The following TMEM150A variants were observed in gnomAD, a reference collection of about 807,000 sequenced individuals.
TMEM150A encodes the protein fasting-inducible integral membrane protein TM6P1.
A neutral mutation model predicts 29.8 loss-of-function variants in TMEM150A; 18 were observed. The observed-to-expected ratio is 0.60, with a 90% CI of 0.42 to 0.90. The LOEUF (loss-of-function observed/expected upper bound fraction) is 0.90, where lower values mean the gene tolerates loss of function less well. Among genes scored for constraint, TMEM150A ranks in the 40% least tolerant of loss-of-function variants. The probability of loss-of-function intolerance (pLI) is 0.00; values close to 1 mark genes in which losing one functional copy is unlikely to be tolerated. For synonymous variants in TMEM150A, 127 were observed against 143.6 expected, an observed-to-expected ratio of 0.88 and a Z score of 0.83; for missense variants, 251 against 349.7, an observed-to-expected ratio of 0.72 and a Z score of 2.25.
Position 85,601,983 on chromosome 2 carries a change from G to C in TMEM150A, c.-35C>G. 6.2e-7 allele frequency: 1 copy of C among 1,610,422 alleles called. No homozygotes were observed. Among genetic ancestry groups the C allele is most frequent in the Non-Finnish European group, 8.5e-7 (1 of 1,176,846 alleles). Reference sequence around the variant, plus strand: ...GAGCCAGGGTGGTGGTGGTGTTGGGGGGAGGACAAGAGGTAGATGGGGAAG... The same window carrying C: ...GAGCCAGGGTGGTGGTGGTGTTGGGCGGAGGACAAGAGGTAGATGGGGAAG... On this transcript the variant is annotated 5_prime_UTR_variant, in exon 2 of 8. Coordinates refer to ENST00000334462, the MANE Select transcript of TMEM150A (RefSeq NM_001031738.3). The surrounding 1 kb of genome is among the most constrained non-coding windows in gnomAD (Gnocchi z 4.0).
At position 85,601,983 on chromosome 2, in the gene TMEM150A, GGGAGGA is replaced by G; in HGVS notation, c.-41_-36del. ...GAGCCAGGGTGGTGGTGGTGTTGGGGGGAGGACAAGAGGTAGATGGGGAAGTGGGGG... is the reference window on the plus strand; with the variant it reads ...GAGCCAGGGTGGTGGTGGTGTTGGGGCAAGAGGTAGATGGGGAAGTGGGGG... On this transcript the variant is annotated 5_prime_UTR_variant, in exon 2 of 8. Transcript: ENST00000334462. The surrounding 1 kb of genome is among the most constrained non-coding windows in gnomAD (Gnocchi z 4.0). 6.2e-7 allele frequency: 1 copy of G among 1,610,422 alleles called. No homozygotes were observed. The highest frequency in any genetic ancestry group is 1.1e-5 in the South Asian group (1 of 90,972).
Position 85,600,358 on chromosome 2 carries a change from C to T in TMEM150A, c.255G>A (p.Met85Ile). 6.2e-7 allele frequency: 1 copy of T among 1,614,044 alleles called. No individual in the cohort carries two copies. Among genetic ancestry groups the T allele is most frequent in the Non-Finnish European group, 8.5e-7 (1 of 1,180,000 alleles). ...ESCLFSLIGNMGAFMVALICL... is the reference protein window; with the variant it reads ...ESCLFSLIGNIGAFMVALICL... ...GGTACAACTCACCCATGAAAGCACC[C>T]ATGTTGCCAATGAGGCTGAAGAGGC... Residue 85 changes from methionine to isoleucine, a missense_variant, in exon 5 of 8, where the codon ATG (methionine) becomes ATA (isoleucine). Physicochemically the swap from Met to Ile is conservative, Grantham distance 10. Coordinates refer to ENST00000334462, the MANE Select transcript of TMEM150A (RefSeq NM_001031738.3).
At position 85,601,581 on chromosome 2, in the gene TMEM150A, C is replaced by A; in HGVS notation, c.66-99G>T. The A allele has an allele frequency of 7.1e-7, 1 of 1,404,384 alleles. No homozygotes were observed. The highest frequency in any genetic ancestry group is 9.8e-7 in the Non-Finnish European group (1 of 1,021,062). 87.0% of individuals were successfully genotyped at this position (1,404,384 alleles called of 1,614,324 possible). On this transcript the variant is annotated intron_variant, in intron 2 of 7. Transcript: ENST00000334462. The surrounding 1 kb of genome is among the most constrained non-coding windows in gnomAD (Gnocchi z 4.0). Reference sequence around the variant, plus strand: ...ACCTTGATTTCTGGCCCCATTCAGCCTCATTATTGTTGCTGGGGACTCAAG... The same window carrying A: ...ACCTTGATTTCTGGCCCCATTCAGCATCATTATTGTTGCTGGGGACTCAAG...
rs758891910 is a variant in TMEM150A at position 85,601,020 on chromosome 2, C to A, written c.200+1G>T. The A allele has an allele frequency of 6.2e-7, 1 of 1,612,456 alleles. No homozygotes were observed. Among genetic ancestry groups the A allele is most frequent in the Non-Finnish European group, 8.5e-7 (1 of 1,179,414 alleles). ...TGACCGGCCCAATGTCCAGGCCTTA[C>A]CTGATGAGGGGGACATCGTCCAGGG... On this transcript the variant is annotated splice_donor_variant, in intron 4 of 7. Coordinates refer to ENST00000334462, the MANE Select transcript of TMEM150A (RefSeq NM_001031738.3). LOFTEE classifies it high-confidence loss of function. This position sits in a 1 kb window ranked among gnomAD's most constrained non-coding sequence, Gnocchi z 4.0.
Position 85,602,105 on chromosome 2 carries a change from C to CGGGAAGGGGGAG in TMEM150A, c.-116-53_-116-42dup. 1 of 642,436 alleles carries CGGGAAGGGGGAG rather than the reference C, an allele frequency of 1.6e-6. No individual in the cohort carries two copies. The highest frequency in any genetic ancestry group is 2.8e-6 in the Non-Finnish European group (1 of 353,002). 39.8% of individuals were successfully genotyped at this position (642,436 alleles called of 1,614,324 possible). A position where few individuals can be genotyped will look rare whatever the true frequency, so the allele number is the denominator to read the frequency against. ...CAAAGTCCAGGAGTGGGTAACTGGC[C>CGGGAAGGGGGAG]GGGAAGGGGGAGGGGAAGGGGGTCA... On this transcript the variant is annotated intron_variant, in intron 1 of 7. Transcript: ENST00000334462. This position sits in a 1 kb window ranked among gnomAD's most constrained non-coding sequence, Gnocchi z 5.6.
chr2:85,599,906 C>A lies in TMEM150A; in HGVS notation c.381G>T (p.Val127=). The A allele has an allele frequency of 6.2e-7, 1 of 1,613,424 alleles. No homozygotes were observed. Among genetic ancestry groups the A allele is most frequent in the Non-Finnish European group, 8.5e-7 (1 of 1,180,032 alleles). The change falls in exon 6 of 8, where the codon GTG becomes GTT. Residue 127 remains valine, a synonymous_variant. Coordinates refer to ENST00000334462, the MANE Select transcript of TMEM150A (RefSeq NM_001031738.3). The surrounding 1 kb of genome is among the most constrained non-coding windows in gnomAD (Gnocchi z 6.0). ...GGGGAAGCACCTGAAAGTTGCCAAC[C>A]ACCAAGAGGCCCGCAGCGTTGGTGC... ...TGCTNAAGLL[V]VGNFQVDHAR...
At chr2:85,600,592 G>C (rs1672878946) in intron 4 of TMEM150A, 180 bp from the exon 5 acceptor site, 1 of 615,054 alleles carries the variant, frequency 1.6e-6, no homozygotes, top group South Asian at 1.9e-5. Context: ...CCCCAAAGCA[G>C]AGCTCATGTG....
Position 85,599,590 on chromosome 2 carries a change from A to C in TMEM150A, c.509T>G (p.Leu170Arg). The C allele has an allele frequency of 6.2e-7, 1 of 1,613,896 alleles. No homozygotes were observed. Among genetic ancestry groups the C allele is most frequent in the South Asian group, 1.1e-5 (1 of 91,086 alleles). ...TCGCAGATAGGCCACAGCCAGGTCCAGCGGGGCGGTGGCCCCTTGGTAGGA... is the reference window on the plus strand; with the variant it reads ...TCGCAGATAGGCCACAGCCAGGTCCCGCGGGGCGGTGGCCCCTTGGTAGGA... Reference protein sequence around the residue: ...ALSYQGATAPLDLAVAYLRSV... With the variant: ...ALSYQGATAPRDLAVAYLRSV... Residue 170 changes from leucine (L) to arginine (R), a missense_variant, in exon 7 of 8, where the codon CTG becomes CGG. By Grantham distance (102) the Leu-to-Arg change is moderately radical. Coordinates refer to ENST00000334462, the MANE Select transcript of TMEM150A (RefSeq NM_001031738.3). This position sits in a 1 kb window ranked among gnomAD's most constrained non-coding sequence, Gnocchi z 6.0.
Position 85,599,844 on chromosome 2 carries a change from G to T in TMEM150A, c.396+47C>A. The T allele has an allele frequency of 6.2e-7, 1 of 1,612,212 alleles. No individual in the cohort carries two copies. ...GAGGTGCCACACTGCAGGCAGCCAG[G>T]CCTTGTTAGGTAAAGTTTAAGGTTT... On this transcript the variant is annotated intron_variant, in intron 6 of 7. Coordinates refer to ENST00000334462, the MANE Select transcript of TMEM150A (RefSeq NM_001031738.3). The surrounding 1 kb of genome is among the most constrained non-coding windows in gnomAD (Gnocchi z 6.0).
At chr2:85,600,201 C>G in intron 5 of TMEM150A, 144 bp downstream of exon 5, 1 of 1,275,878 alleles carries the variant, frequency 7.8e-7, no homozygotes. Context: ...TGGGAGTCAG[C>G]TTTTGGCCTT....
chr2:85,601,532 C>T lies in TMEM150A; in HGVS notation c.66-50G>A. ...GGCAGCCTTCCCGAGCCCCACTCAA[C>T]CCACCCCATGACCCTTCTCTTCAAC... On this transcript the variant is annotated intron_variant, in intron 2 of 7. Transcript: ENST00000334462. This position sits in a 1 kb window ranked among gnomAD's most constrained non-coding sequence, Gnocchi z 4.0. 8.2e-6 allele frequency: 13 copies of T among 1,592,846 alleles called. No individual in the cohort carries two copies. Among genetic ancestry groups the T allele is most frequent in the Non-Finnish European group, 1.1e-5 (13 of 1,167,440 alleles).
Position 85,602,296 on chromosome 2 carries a change from C to A in TMEM150A, c.-116-232G>T, listed in dbSNP as rs1042316709. 8.7e-6 allele frequency: 2 copies of A among 231,100 alleles called. No homozygotes were observed. The highest frequency in any genetic ancestry group is 1.8e-5 in the Non-Finnish European group (2 of 113,434). 14.3% of individuals were successfully genotyped at this position (231,100 alleles called of 1,614,324 possible). ...ACCGTAACATCTGGAAGGGAGTTAC[C>A]CTCCTTCTGAGGGACCAGGGCTGGG... On this transcript the variant is annotated intron_variant, in intron 1 of 7. Transcript: ENST00000334462. The surrounding 1 kb of genome is among the most constrained non-coding windows in gnomAD (Gnocchi z 5.6).
Position 85,599,546 on chromosome 2 carries a change from C to T in TMEM150A, c.553G>A (p.Ala185Thr), listed in dbSNP as rs1215154976. The part of the protein sequence containing the change: ...AYLRSVLAVI[A>T]FITLVLSGVF... ...ATACTGAGGACCAGGGTGATAAAGG[C>T]GATGACAGCCAGCACACTTCGCAGA... is the stretch of plus-strand genomic sequence containing the variant. Residue 185 changes from alanine to threonine, a missense_variant, in exon 7 of 8, where the codon GCC (alanine) becomes ACC (threonine). Ala to Thr is a moderately conservative substitution (Grantham distance 58). Transcript: ENST00000334462. This position sits in a 1 kb window ranked among gnomAD's most constrained non-coding sequence, Gnocchi z 6.0. 6.8e-6 allele frequency: 11 copies of T among 1,612,826 alleles called. No individual in the cohort carries two copies. Among genetic ancestry groups the T allele is most frequent in the African/African-American group, 4.0e-5 (3 of 74,874 alleles).
In TMEM150A at chr2:85,600,004, G is replaced by C; in HGVS notation, c.283C>G (p.Leu95Val). ...TCCAGGAGCTGCCCGTAGCGCAGGA[G>C]GCAGATCAGGGCCACTGGGGGAGGA... is the stretch of plus-strand genomic sequence containing the variant. ...MGAFMVALIC[L>V]LRYGQLLEQS... The change falls in exon 6 of 8, where the codon CTC (leucine) becomes GTC (valine). Residue 95 changes from leucine (L) to valine (V), a missense_variant. Coordinates refer to ENST00000334462, the MANE Select transcript of TMEM150A (RefSeq NM_001031738.3). 1 of 1,612,604 alleles carries C rather than the reference G, an allele frequency of 6.2e-7. No individual in the cohort carries two copies. The highest frequency in any genetic ancestry group is 1.1e-5 in the South Asian group (1 of 91,012).
rs1370693654 is a variant in TMEM150A, at chr2:85,599,769, A to T, written c.397-67T>A. On this transcript the variant is annotated intron_variant, in intron 6 of 7. Transcript: ENST00000334462. This position sits in a 1 kb window ranked among gnomAD's most constrained non-coding sequence, Gnocchi z 6.0. Reference sequence around the variant, plus strand: ...CCACCTCTCCACCCCTCCTTCAATGAATCTCCTCTCTCCCTCTTCCTTCCT... The same window carrying T: ...CCACCTCTCCACCCCTCCTTCAATGTATCTCCTCTCTCCCTCTTCCTTCCT... 1.3e-6 allele frequency: 2 copies of T among 1,591,844 alleles called. No homozygotes were observed. The highest frequency in any genetic ancestry group is 2.7e-5 in the African/African-American group (2 of 73,904).
At position 85,599,410 on chromosome 2, in the gene TMEM150A, GGTGTTAGTCCTCTCCCCCACATGGCA is replaced by G; in HGVS notation, c.574+89_575-94del. ...CAGGCCTCACCTCTCCAAAGGGAGA[GGTGTTAGTCCTCTCCCCCACATGGCA>G]GTGTTAGGCCTCCACCCCCCATCCT... On this transcript the variant is annotated intron_variant, in intron 7 of 7. Coordinates refer to ENST00000334462, the MANE Select transcript of TMEM150A (RefSeq NM_001031738.3). This position sits in a 1 kb window ranked among gnomAD's most constrained non-coding sequence, Gnocchi z 6.0. The G allele has an allele frequency of 1.9e-6, 3 of 1,579,800 alleles. No individual in the cohort carries two copies. Among genetic ancestry groups the G allele is most frequent in the Middle Eastern group, 3.4e-4 (2 of 5,882 alleles).
intron 5 of TMEM150A, 65 bp from the exon 6 acceptor site, chr2:85,600,083 C>T: frequency 6.3e-7 from 1 of 1,594,594 alleles, no homozygotes. Context: ...AGCCTGTCAG[C>T]TTCCCCCAGA....
Position 85,600,000 on chromosome 2 carries a change from A to C in TMEM150A, c.287T>G (p.Leu96Arg). 6.2e-7 allele frequency: 1 copy of C among 1,612,816 alleles called. No homozygotes were observed. The highest frequency in any genetic ancestry group is 2.2e-5 in the East Asian group (1 of 44,860). Residue 96 changes from leucine (L) to arginine (R), a missense_variant, in exon 6 of 8, where the codon CTG (leucine) becomes CGG (arginine). By Grantham distance (102) the Leu-to-Arg change is moderately radical. Coordinates refer to ENST00000334462, the MANE Select transcript of TMEM150A (RefSeq NM_001031738.3). The surrounding 1 kb of genome is among the most constrained non-coding windows in gnomAD (Gnocchi z 6.0). ...CTGCTCCAGGAGCTGCCCGTAGCGC[A>C]GGAGGCAGATCAGGGCCACTGGGGG... ...GAFMVALICL[L>R]RYGQLLEQSR...
rs1285109851 is a variant in TMEM150A, at chr2:85,601,527, C to T, written c.66-45G>A. 6.3e-7 allele frequency: 1 copy of T among 1,598,108 alleles called. No homozygotes were observed. The highest frequency in any genetic ancestry group is 8.5e-7 in the Non-Finnish European group (1 of 1,171,280). ...ACCCTGGCAGCCTTCCCGAGCCCCA[C>T]TCAACCCACCCCATGACCCTTCTCT... On this transcript the variant is annotated intron_variant, in intron 2 of 7. Transcript: ENST00000334462. This position sits in a 1 kb window ranked among gnomAD's most constrained non-coding sequence, Gnocchi z 4.0.
Sources: gnomAD v4.1 joint callset for allele counts on GRCh38, gnomAD v4.1.1 for gene constraint, Gnocchi (gnomAD v3.1) non-coding constraint, MANE v1.5 for transcripts, NCBI Gene and HGNC (gene_info 2026-07-23, HGNC 2026-07-21) for gene names.